Variants in APP observed in about 807,000 individuals in gnomAD.
The protein encoded by APP is amyloid-beta precursor protein.
A neutral mutation model predicts 101.4 loss-of-function variants in APP; 31 were observed. The observed-to-expected ratio is 0.31, with a 90% CI of 0.23 to 0.41. APP has a LOEUF of 0.41. Among genes scored for constraint, APP ranks in the 10% least tolerant of loss-of-function variants. The probability of loss-of-function intolerance (pLI) is 1.00; values close to 1 mark genes in which losing one functional copy is unlikely to be tolerated. For missense variants in APP, 839 were observed against 1,003.7 expected (o/e 0.84, Z 2.22); for synonymous variants, 366 against 364.4 (o/e 1.00, Z -0.05).
intron 2 of APP, among the ~76,000 whole-genome samples, chr21:26,110,183 G>A (rs1027354334): frequency 6.6e-6 from 1 of 152,186 alleles, no homozygotes; most frequent in Admixed American, 6.5e-5. Flanking sequence ...GGTAGCTCAC[G>A]GCTATAATCC....
At chr21:25,893,906 C>T (rs978190976) in intron 16 of APP, among the ~76,000 whole-genome samples, 6 of 152,170 alleles carry the variant, frequency 3.9e-5, no homozygotes, top group African/African-American at 1.4e-4. Context: ...AGAGAGAAGT[C>T]CTGCCTTCAA....
At chr21:25,883,415 G>A (rs183025241) in intron 17 of APP, among the ~76,000 whole-genome samples, 2,045 of 150,658 alleles carry the variant, frequency 0.014, 54 homozygotes, top group African/African-American at 0.047. Context: ...AGAAAAAAAA[G>A]GCCAGGTGAG....
chr21:25,891,103 G>C (rs888038860), intron 17 of APP, among the ~76,000 whole-genome samples: 1 of 152,088 alleles, frequency 6.6e-6, no homozygotes, highest in Non-Finnish European at 1.5e-5. Flanking sequence ...TCTTGTTTTA[G>C]TATAGCACCT....
At chr21:25,924,686 G>T (rs1404161583) in intron 13 of APP, among the ~76,000 whole-genome samples, 1 of 151,618 alleles carries the variant, frequency 6.6e-6, no homozygotes, top group Non-Finnish European at 1.5e-5. Flanking sequence ...CTAGATGACG[G>T]GTTGATGGGT....
At chr21:25,938,135 T>C (rs2040429518) in intron 13 of APP, among the ~76,000 whole-genome samples, 1 of 152,170 alleles carries the variant, frequency 6.6e-6, no homozygotes, top group African/African-American at 2.4e-5. Flanking sequence ...TTTATGCCAA[T>C]CCCTTTTCAT....
chr21:26,005,029 C>T (rs1189335584), intron 6 of APP, among the ~76,000 whole-genome samples: 14 of 152,158 alleles, frequency 9.2e-5, no homozygotes, highest in Non-Finnish European at 1.2e-4. Context: ...ATATGTGCCA[C>T]ATTTTCTTAA....
chr21:25,975,604 A>G (rs1437643291), intron 10 of APP, among the ~76,000 whole-genome samples: 1 of 152,210 alleles, frequency 6.6e-6, no homozygotes, highest in Non-Finnish European at 1.5e-5. Context: ...GGTTTACTTA[A>G]GGTAATTTTG....
At chr21:26,124,833 T>C (rs2062648261) in intron 1 of APP, among the ~76,000 whole-genome samples, 1 of 152,264 alleles carries the variant, frequency 6.6e-6, no homozygotes. Flanking sequence ...TCTGGCTTGA[T>C]GCCTTATATT....
rs113616943 is a variant in APP at position 26,104,033 on chromosome 21, G to A, written c.225+7946C>T. 6.6e-5 allele frequency among the ~76,000 whole-genome samples: 10 copies of A among 152,284 alleles called. 1 individual carries two copies. In the South Asian group the frequency reaches 1.5e-3, roughly 22 times the overall value. On this transcript the variant is annotated intron_variant, in intron 2 of 17. Coordinates refer to ENST00000346798, the MANE Select transcript of APP (RefSeq NM_000484.4). ...AGCATGACCGAGTTCTGGTGAGGCC[G>A]CTCTTCCTTGCTTGCAGACAGCCAC...
At position 26,032,804 on chromosome 21, in the gene APP, AAAT is replaced by A. The variant is rs201069841; in HGVS notation, c.663-10765_663-10763del. ...GGGCTTATTATTTTAGAAAAAAAAA[AAAT>A]ATATATATATATATAAAGAGCTATC... On this transcript the variant is annotated intron_variant, in intron 5 of 17. Coordinates refer to ENST00000346798, the MANE Select transcript of APP (RefSeq NM_000484.4). 3.0e-3 allele frequency among the ~76,000 whole-genome samples: 390 copies of A among 128,734 alleles called. 5 individuals carry two copies. The East Asian group carries it at 0.051, about 17-fold the overall frequency. 84.5% of individuals were successfully genotyped at this position (128,734 alleles called of 152,430 possible). A position where few individuals can be genotyped will look rare whatever the true frequency, so the allele number is the denominator to read the frequency against.
chr21:25,881,276 C>A lies in APP; in HGVS notation c.*394G>T. 3.8e-6 allele frequency: 1 copy of A among 263,946 alleles called. No individual in the cohort carries two copies. Among genetic ancestry groups the A allele is most frequent in the Non-Finnish European group, 7.4e-6 (1 of 134,702 alleles). 16.4% of individuals were successfully genotyped at this position (263,946 alleles called of 1,614,324 possible). ...AACTCCCACGTTCACATGAAGCATCCCCCATCGATTCTTAAAGCATATGTA... is the reference window on the plus strand; with the variant it reads ...AACTCCCACGTTCACATGAAGCATCACCCATCGATTCTTAAAGCATATGTA... On this transcript the variant is annotated 3_prime_UTR_variant, in exon 18 of 18. Transcript: ENST00000346798.
At chr21:25,938,516 C>T (rs948098837) in intron 13 of APP, among the ~76,000 whole-genome samples, 1 of 151,982 alleles carries the variant, frequency 6.6e-6, no homozygotes, top group Non-Finnish European at 1.5e-5. Context: ...TTTGTTATTG[C>T]ATATAAGCAT....
intron 6 of APP, among the ~76,000 whole-genome samples, chr21:26,007,756 C>A (rs910963235): frequency 6.6e-6 from 1 of 151,878 alleles, no homozygotes; most frequent in East Asian, 1.9e-4. Flanking sequence ...TTTTTAAGAA[C>A]GTGATTTTCC....
rs45550731 is a variant in APP, at chr21:25,982,756, T to C, written c.1091-279A>G. Among the ~76,000 whole-genome samples, 406 of 152,316 alleles carry C rather than the reference T, an allele frequency of 2.7e-3. 2 individuals carry two copies. Among genetic ancestry groups the C allele is most frequent in the African/African-American group, 9.3e-3 (388 of 41,580 alleles). On this transcript the variant is annotated intron_variant, in intron 8 of 17. Coordinates refer to ENST00000346798, the MANE Select transcript of APP (RefSeq NM_000484.4). ...ATTAGAGTTCTTTACGAAACAAGCATGCAAAGAGCAAAAACAGTTGGTGCT... is the reference window on the plus strand; with the variant it reads ...ATTAGAGTTCTTTACGAAACAAGCACGCAAAGAGCAAAAACAGTTGGTGCT...
chr21:25,942,301 T>C (rs1301607056), intron 13 of APP: 2 of 152,218 alleles, frequency 1.3e-5, no homozygotes, highest in Non-Finnish European at 2.9e-5. Context: ...TAAGTATCAC[T>C]GGACACAGAG....
chr21:25,926,994 C>T (rs1411269695), intron 13 of APP, among the ~76,000 whole-genome samples: 12 of 90,398 alleles, frequency 1.3e-4, no homozygotes, highest in African/African-American at 3.3e-4. Flanking sequence ...CAGAGTGAGA[C>T]TCCGTCTCAA....
intron 13 of APP, among the ~76,000 whole-genome samples, chr21:25,926,424 T>A (rs1247977982): frequency 3.3e-5 from 5 of 152,214 alleles, no homozygotes; most frequent in African/African-American, 1.2e-4. Flanking sequence ...GCTACAGCCA[T>A]CTGCGATGCC....
chr21:26,067,418 T>C (rs1026692392), intron 3 of APP, among the ~76,000 whole-genome samples: 1 of 152,186 alleles, frequency 6.6e-6, no homozygotes, highest in Non-Finnish European at 1.5e-5. Context: ...TAGAGATCAA[T>C]AATATATTTC....
At chr21:26,116,103 CATGGGAAA>C (rs2062429268) in intron 1 of APP, among the ~76,000 whole-genome samples, 1 of 152,124 alleles carries the variant, frequency 6.6e-6, no homozygotes, top group South Asian at 2.1e-4. Context: ...GATGCTTTCC[CATGGGAAA>C]ACAGTGTTCC....
Sources: gnomAD v4.1 joint callset for allele counts (sites outside exome capture counted in the v4.1 genomes callset) on GRCh38, gnomAD v4.1.1 for gene constraint, MANE v1.5 for transcripts, NCBI Gene and HGNC (gene_info 2026-07-23, HGNC 2026-07-21) for gene names.